SS18: variants seen among roughly 807,000 people sequenced by gnomAD.
The protein encoded by SS18 is protein SSXT.
Under a neutral mutation model 72.5 loss-of-function variants are expected in SS18, and 28 were observed. That is an observed-to-expected ratio of 0.39 (90% confidence interval 0.29 to 0.53). The LOEUF is 0.53. SS18 is among the 20% of genes least tolerant of loss of function. The probability of loss-of-function intolerance (pLI) is 0.76; values close to 1 mark genes in which losing one functional copy is unlikely to be tolerated. For missense variants in SS18, 518 were observed against 535.3 expected (o/e 0.97, Z 0.32); for synonymous variants, 172 against 164.2 (o/e 1.05, Z -0.37).
intron 3 of SS18, among the ~76,000 whole-genome samples, chr18:26,072,171 T>C (rs1019778060): frequency 6.6e-6 from 1 of 152,020 alleles, no homozygotes; most frequent in African/African-American, 2.4e-5. Context: ...AGAAATGAAG[T>C]ATTTTATGGT....
intron 3 of SS18, among the ~76,000 whole-genome samples, chr18:26,073,164 G>A (rs2054347235): frequency 6.6e-6 from 1 of 151,702 alleles, no homozygotes; most frequent in South Asian, 2.1e-4. Context: ...ATGCAATAAA[G>A]CCAGAAATCA....
intron 1 of SS18, among the ~76,000 whole-genome samples, chr18:26,087,910 C>T (rs547870436): frequency 6.6e-6 from 1 of 152,088 alleles, no homozygotes; most frequent in African/African-American, 2.4e-5. Flanking sequence ...AATTTCATTA[C>T]GTACTGTTTA....
chr18:26,071,332 C>T (rs2054306791), intron 3 of SS18, among the ~76,000 whole-genome samples: 1 of 152,118 alleles, frequency 6.6e-6, no homozygotes, highest in South Asian at 2.1e-4. Context: ...AAATCCACAC[C>T]TAAACATACT....
intron 6 of SS18, 99 bp downstream of exon 6, chr18:26,039,190 A>T: frequency 1.0e-6 from 1 of 962,498 alleles, no homozygotes; most frequent in Non-Finnish European, 1.4e-6. Context: ...AAAAAAAAAA[A>T]AAAAAGAAAA....
chr18:26,039,148 A>T, intron 6 of SS18, 141 bp downstream of exon 6: 1 of 700,476 alleles, frequency 1.4e-6, no homozygotes. Flanking sequence ...CTTTGTACTT[A>T]CTAGAACCCT....
rs60999827 is a variant in SS18, at chr18:26,060,771, C to CAAAAAAAAAAAAAA, written c.232-3043_232-3030dup. On this transcript the variant is annotated intron_variant, in intron 3 of 10. Transcript: ENST00000415083. Reference sequence around the variant, plus strand: ...GAAACTCTGTCTCTACTAAAAATACCAAAAAAAAAAAAAAAAAAAAAAAAA... The same window carrying CAAAAAAAAAAAAAA: ...GAAACTCTGTCTCTACTAAAAATACCAAAAAAAAAAAAAAAAAAAAAAAAAAAAAAAAAAAAAAA... 1.5e-3 allele frequency among the ~76,000 whole-genome samples: 59 copies of CAAAAAAAAAAAAAA among 39,606 alleles called. 15 individuals are homozygous for CAAAAAAAAAAAAAA. The highest frequency in any genetic ancestry group is 5.0e-3 in the South Asian group (3 of 602). 26.0% of individuals were successfully genotyped at this position (39,606 alleles called of 152,430 possible). A position where few individuals can be genotyped will look rare whatever the true frequency, so the allele number is the denominator to read the frequency against.
At chr18:26,018,676 T>G (rs1392140410) in intron 10 of SS18, among the ~76,000 whole-genome samples, 1 of 152,222 alleles carries the variant, frequency 6.6e-6, no homozygotes, top group African/African-American at 2.4e-5. Flanking sequence ...TTGAATGAAT[T>G]GAGCAGGCAT....
In SS18 at chr18:26,080,814, AC is replaced by A. The variant is rs1183155220; in HGVS notation, c.147-2655del. Reference sequence around the variant, plus strand: ...CACACACAGACATACATATGCACTCACTTTTTTCCAAAACCATTTGTGAGTC... The same window carrying A: ...CACACACAGACATACATATGCACTCATTTTTTCCAAAACCATTTGTGAGTC... On this transcript the variant is annotated intron_variant, in intron 2 of 10. Transcript: ENST00000415083. Among the ~76,000 whole-genome samples the A allele has an allele frequency of 2.0e-5, 3 of 152,248 alleles. No individual in the cohort carries two copies. In the East Asian group the frequency reaches 5.8e-4, roughly 29 times the overall value.
rs190038104 is a variant in SS18 at position 26,039,653 on chromosome 18, C to T, written c.608-197G>A. ...ATAATGTGCAAACAAAAGAAAATAACCAATCCATGGTGGTTAACTTGAAAT... is the reference window on the plus strand; with the variant it reads ...ATAATGTGCAAACAAAAGAAAATAATCAATCCATGGTGGTTAACTTGAAAT... On this transcript the variant is annotated intron_variant, in intron 5 of 10. Transcript: ENST00000415083. 4.3e-3 allele frequency among the ~76,000 whole-genome samples: 659 copies of T among 152,086 alleles called. 4 individuals are homozygous for T. Among genetic ancestry groups the T allele is most frequent in the African/African-American group, 0.014 (593 of 41,524 alleles).
chr18:26,072,427 T>C (rs1254868895), intron 3 of SS18, among the ~76,000 whole-genome samples: 1 of 150,354 alleles, frequency 6.7e-6, no homozygotes, highest in Non-Finnish European at 1.5e-5. Flanking sequence ...GAAAGGAGGA[T>C]AATACCATGC....
intron 3 of SS18, among the ~76,000 whole-genome samples, chr18:26,071,466 C>T (rs867568762): frequency 1.1e-4 from 16 of 152,220 alleles, no homozygotes; most frequent in East Asian, 3.9e-4. Context: ...CAGAAAACAA[C>T]GCAAGGATAA....
At chr18:26,043,304 G>A (rs2053761643) in intron 5 of SS18, among the ~76,000 whole-genome samples, 1 of 152,094 alleles carries the variant, frequency 6.6e-6, no homozygotes, top group Non-Finnish European at 1.5e-5. Context: ...CCCATGAAAA[G>A]AGTTCTGTAT....
intron 3 of SS18, among the ~76,000 whole-genome samples, chr18:26,071,810 G>A (rs1311555637): frequency 2.0e-5 from 3 of 151,894 alleles, no homozygotes; most frequent in Admixed American, 6.6e-5. Flanking sequence ...CCTGGGTGAC[G>A]GAGTGAAACA....
chr18:26,024,847 A>T (rs1298632413), intron 10 of SS18, among the ~76,000 whole-genome samples: 3 of 152,176 alleles, frequency 2.0e-5, no homozygotes, highest in Non-Finnish European at 4.4e-5. Context: ...CAAAAACCCC[A>T]ATTTAAAGGC....
At chr18:26,023,651 T>G in intron 10 of SS18, 1 of 528,722 alleles carries the variant, frequency 1.9e-6, no homozygotes, top group Non-Finnish European at 3.6e-6. Context: ...AGAGAAAATA[T>G]CTTTCAAAAA....
At chr18:26,039,576 C>T in intron 5 of SS18, 120 bp from the exon 6 acceptor site, 1 of 865,896 alleles carries the variant, frequency 1.2e-6, no homozygotes, top group Non-Finnish European at 1.6e-6. Flanking sequence ...GCAGTAAAAA[C>T]TGATTTCAAA....
At chr18:26,054,808 T>A (rs1366221065) in intron 4 of SS18, among the ~76,000 whole-genome samples, 1 of 151,972 alleles carries the variant, frequency 6.6e-6, no homozygotes, top group Non-Finnish European at 1.5e-5. Flanking sequence ...TGGTGCAATC[T>A]TGGTTTACTG....
At chr18:26,027,316 T>C (rs1295177834) in intron 10 of SS18, among the ~76,000 whole-genome samples, 3 of 152,060 alleles carry the variant, frequency 2.0e-5, no homozygotes, top group Non-Finnish European at 4.4e-5. Flanking sequence ...TATGGACAAC[T>C]GATTTTTTGC....
chr18:26,060,015 T>A (rs1046512312), intron 3 of SS18, among the ~76,000 whole-genome samples: 1 of 152,208 alleles, frequency 6.6e-6, no homozygotes, highest in Non-Finnish European at 1.5e-5. Flanking sequence ...ACTTAAACAG[T>A]TACCATATGA....
Sources: allele counts gnomAD v4.1 joint callset (sites outside exome capture counted in the v4.1 genomes callset), GRCh38; gene constraint gnomAD v4.1.1; transcripts MANE v1.5; gene names NCBI Gene and HGNC (gene_info 2026-07-23, HGNC 2026-07-21).